The following TET3 variants were observed in gnomAD, a reference collection of about 807,000 sequenced individuals.
TET3 encodes methylcytosine dioxygenase TET3.
TET3 carries 19 observed loss-of-function variants against 141.4 expected under a neutral mutation model. That is an observed-to-expected ratio of 0.13 (90% CI 0.09 to 0.20). The LOEUF is 0.20. Among genes scored for constraint, TET3 ranks in the 10% least tolerant of loss-of-function variants. The pLI is 1.00. For synonymous variants in TET3, 1,043 were observed against 980.9 expected (o/e 1.06, Z -1.18); for missense variants, 1,874 against 2,356.9 (o/e 0.80, Z 4.24).
chr2:74,038,251 G>A (rs1687170232), intron 3 of TET3, among the ~76,000 whole-genome samples: 1 of 152,162 alleles, frequency 6.6e-6, no homozygotes, highest in African/African-American at 2.4e-5. Flanking sequence ...GGAGTGTAGT[G>A]AAGAGTTATG....
chr2:73,984,822 C>T (rs1683913845), upstream of TET3, among the ~76,000 whole-genome samples: 2 of 146,520 alleles, frequency 1.4e-5, no homozygotes, highest in African/African-American at 4.9e-5. This position sits in a 1 kb window ranked among gnomAD's most constrained non-coding sequence, Gnocchi z 5.6. Context: ...CCGGCCGGGC[C>T]GGCGGGGCTC....
Position 74,047,720 on chromosome 2 carries a change from C to T in TET3, c.1803C>T (p.Pro601=), listed in dbSNP as rs758594910. The T allele has an allele frequency of 3.1e-6, 5 of 1,613,458 alleles. No individual in the cohort carries two copies. Among genetic ancestry groups the T allele is most frequent in the Non-Finnish European group, 8.5e-7 (1 of 1,179,728 alleles). ...GTEKAAPGIK[P]SVRKPIQIKK... ...AGAAAGCTGCCCCTGGGATCAAGCCCAGTGTCCGAAAGCCCATTCAGATCA... is the reference window on the plus strand; with the variant it reads ...AGAAAGCTGCCCCTGGGATCAAGCCTAGTGTCCGAAAGCCCATTCAGATCA... Residue 601 remains proline (P), a synonymous_variant, in exon 4 of 12, where the codon CCC becomes CCT. Coordinates refer to ENST00000409262, the MANE Select transcript of TET3 (RefSeq NM_001287491.2).
At chr2:74,021,663 A>G (rs989666381) in intron 3 of TET3, among the ~76,000 whole-genome samples, 5 of 152,160 alleles carry the variant, frequency 3.3e-5, no homozygotes, top group Admixed American at 2.0e-4. Context: ...AATCCCTTCC[A>G]TGGTCAGGCA....
the TET3 span, chr2:74,121,285 A>G: frequency 6.6e-6 from 1 of 152,232 alleles, no homozygotes; most frequent in African/African-American, 2.4e-5. Flanking sequence ...AATAGTTCCA[A>G]CAACTTCCAG....
chr2:74,112,185 G>A (rs764551166), downstream of TET3, among the ~76,000 whole-genome samples: 25 of 151,664 alleles, frequency 1.6e-4, no homozygotes, highest in Non-Finnish European at 2.9e-4. Flanking sequence ...TAACTTTGCC[G>A]CAGGGCCCCA....
At chr2:74,125,507 C>T in the TET3 span, among the ~76,000 whole-genome samples, 1 of 152,134 alleles carries the variant, frequency 6.6e-6, no homozygotes, top group East Asian at 1.9e-4. Context: ...AAGCTGCTAA[C>T]TGCCAATTTA....
At chr2:74,012,657 G>A (rs58204994) in intron 3 of TET3, among the ~76,000 whole-genome samples, 3,464 of 152,288 alleles carry the variant, frequency 0.023, 140 homozygotes, top group African/African-American at 0.079. Flanking sequence ...TCCTAGGACC[G>A]TCTTTGCATG....
chr2:74,015,800 T>A (rs1463628064), intron 3 of TET3, among the ~76,000 whole-genome samples: 1 of 152,150 alleles, frequency 6.6e-6, no homozygotes, highest in Non-Finnish European at 1.5e-5. Context: ...TTTGATAATA[T>A]CTATCAAATT....
the TET3 span, chr2:74,123,136 G>A: frequency 0.22 from 33,711 of 152,146 alleles, 4,345 homozygotes; most frequent in East Asian, 0.49. Context: ...AAGGTGCTGC[G>A]TGAATCTGCT....
At chr2:74,124,652 T>C in the TET3 span, among the ~76,000 whole-genome samples, 13 of 152,302 alleles carry the variant, frequency 8.5e-5, 1 homozygote, top group East Asian at 2.5e-3. Flanking sequence ...CTGAAACATG[T>C]GCTGTGTCCA....
At chr2:74,113,827 C>A in the TET3 span, among the ~76,000 whole-genome samples, 1 of 152,032 alleles carries the variant, frequency 6.6e-6, no homozygotes. Context: ...GGAAAGACAT[C>A]CCATGCTCGC....
intron 8 of TET3, 121 bp from the exon 9 acceptor site, chr2:74,092,780 CA>C (rs1202245255): frequency 2.5e-6 from 2 of 804,280 alleles, no homozygotes; most frequent in Non-Finnish European, 4.2e-6. Context: ...GCCAGAAAGA[CA>C]CCTGATAACA....
chr2:74,102,203 G>A lies in TET3; in HGVS notation c.*27G>A, dbSNP rs767569366. The A allele has an allele frequency of 6.2e-5, 88 of 1,422,780 alleles. 2 individuals are homozygous for A. The East Asian group carries it at 1.8e-3, about 29-fold the overall frequency. The allele number at this position is 1,422,780 out of a possible 1,614,324, so 88.1% of individuals were successfully genotyped here. A position where few individuals can be genotyped will look rare whatever the true frequency, so the allele number is the denominator to read the frequency against. ...TGCCAGGGAGCCAGCGTACCTCAGC[G>A]TCGGGCCTGGCCCGAGCTGTCTCTG... On this transcript the variant is annotated 3_prime_UTR_variant, in exon 12 of 12. Coordinates refer to ENST00000409262, the MANE Select transcript of TET3 (RefSeq NM_001287491.2).
At chr2:74,002,803 T>G (rs1573658051) in intron 2 of TET3, 1 of 565,676 alleles carries the variant, frequency 1.8e-6, no homozygotes, top group South Asian at 2.2e-5. Context: ...CCGGCCGAGG[T>G]AGAGCGCGCG....
intron 6 of TET3, among the ~76,000 whole-genome samples, chr2:74,082,264 C>T (rs1489051538): frequency 6.6e-6 from 1 of 152,168 alleles, no homozygotes; most frequent in Non-Finnish European, 1.5e-5. Context: ...GCTCGTGTGG[C>T]CCCACTGAGG....
At chr2:74,008,334 T>C (rs1433823381) in intron 3 of TET3, among the ~76,000 whole-genome samples, 1 of 152,220 alleles carries the variant, frequency 6.6e-6, no homozygotes, top group Non-Finnish European at 1.5e-5. Context: ...GGGAGTCTGA[T>C]GGAGGCCCGT....
At chr2:74,133,991 C>A in the TET3 span, among the ~76,000 whole-genome samples, 105 of 152,256 alleles carry the variant, frequency 6.9e-4, no homozygotes, top group Non-Finnish European at 9.7e-4. Flanking sequence ...GATCCCCCCC[C>A]CTCGGCCTCT....
At position 74,099,729 on chromosome 2, in the gene TET3, A is replaced by G. The variant is rs944368806; in HGVS notation, c.3604+117A>G. 31 of 1,113,342 alleles carry G rather than the reference A, an allele frequency of 2.8e-5. No individual in the cohort carries two copies. The Middle Eastern group carries it at 1.5e-3, about 54-fold the overall frequency. 69.0% of individuals were successfully genotyped at this position (1,113,342 alleles called of 1,614,324 possible). On this transcript the variant is annotated intron_variant, in intron 11 of 11. Transcript: ENST00000409262. ...GAACTGGGGCCTCTGCTTAATTGTCAGTCAGAAGGGTATCTGCAGCAGCCA... is the reference window on the plus strand; with the variant it reads ...GAACTGGGGCCTCTGCTTAATTGTCGGTCAGAAGGGTATCTGCAGCAGCCA...
chr2:74,052,352 G>A (rs1687990532), intron 4 of TET3, among the ~76,000 whole-genome samples: 1 of 152,112 alleles, frequency 6.6e-6, no homozygotes, highest in African/African-American at 2.4e-5. Flanking sequence ...TAGAAATCAA[G>A]GTGCTCACTC....
Sources: gnomAD v4.1 joint callset for allele counts (sites outside exome capture counted in the v4.1 genomes callset) on GRCh38, gnomAD v4.1.1 for gene constraint, Gnocchi (gnomAD v3.1) non-coding constraint, MANE v1.5 for transcripts, NCBI Gene and HGNC (gene_info 2026-07-23, HGNC 2026-07-21) for gene names.